The following IFIH1 variants were observed in gnomAD, a reference collection of about 807,000 sequenced individuals.
IFIH1 encodes interferon induced with helicase C domain 1.
In IFIH1, 125 loss-of-function variants were observed where a neutral mutation model predicts 107.4. The ratio of observed to expected loss-of-function variants is 1.16; its 90% CI spans 1.01 to 1.35. The LOEUF (loss-of-function observed/expected upper bound fraction) is 1.35. Among genes scored for constraint, IFIH1 ranks in the 40% most tolerant of loss-of-function variants. IFIH1 has a pLI of 0.00. For missense variants in IFIH1, 1,333 were observed against 1,213.7 expected (o/e 1.10, Z -1.46); for synonymous variants, 458 against 413.2 (o/e 1.11, Z -1.31).
In IFIH1 at chr2:162,272,251, A is replaced by G. The variant is rs757999599; in HGVS notation, c.2591T>C (p.Met864Thr). 3.1e-6 allele frequency: 5 copies of G among 1,612,418 alleles called. No homozygotes were observed. The highest frequency in any genetic ancestry group is 3.4e-6 in the Non-Finnish European group (4 of 1,179,120). ...MYKAIHCVQN[M>T]KPEEYAHKIL... ...CTTATGAGCATACTCCTCTGGTTTCATATTTTGAACACAATGTATAGCTTT... is the reference window on the plus strand; with the variant it reads ...CTTATGAGCATACTCCTCTGGTTTCGTATTTTGAACACAATGTATAGCTTT... Residue 864 changes from methionine to threonine, a missense_variant, in exon 13 of 16, where the codon ATG (methionine) becomes ACG (threonine). By Grantham distance (81) the Met-to-Thr change is moderately conservative. Transcript: ENST00000649979.
Position 162,288,195 on chromosome 2 carries a change from A to G in IFIH1, c.1035T>C (p.Asp345=), listed in dbSNP as rs1576229553. The change falls in exon 5 of 16, where the codon GAT becomes GAC. Residue 345 remains aspartate (D), a synonymous_variant. Transcript: ENST00000649979. ...ATGCTTTTTTCTTCTTGTCTAAGTGATCCTTGGCAATGTAAACAGCCACTC... is the reference window on the plus strand; with the variant it reads ...ATGCTTTTTTCTTCTTGTCTAAGTGGTCCTTGGCAATGTAAACAGCCACTC... ...KTRVAVYIAK[D]HLDKKKKASE... is the part of the protein sequence containing the mutation. 5 of 1,612,648 alleles carry G rather than the reference A, an allele frequency of 3.1e-6. No homozygotes were observed. The highest frequency in any genetic ancestry group is 4.2e-6 in the Non-Finnish European group (5 of 1,179,214).
chr2:162,276,356 A>G lies in IFIH1; in HGVS notation c.2304+331T>C, dbSNP rs1240166948. Among the ~76,000 whole-genome samples, 5 of 152,316 alleles carry G rather than the reference A, an allele frequency of 3.3e-5. No homozygotes were observed. In the East Asian group the frequency reaches 9.7e-4, roughly 29 times the overall value. On this transcript the variant is annotated intron_variant, in intron 11 of 15. Coordinates refer to ENST00000649979, the MANE Select transcript of IFIH1 (RefSeq NM_022168.4). ...AGTGGCTCGTGCCTATAATCTCAAT[A>G]CTTTGGAAGGCAGAGGCAGAAGGAT...
Position 162,277,662 on chromosome 2 carries a change from A to T in IFIH1, c.1797T>A (p.Val599=). ...TGTACTTCCTCAAATGTTCTGCACA[A>T]ACACGTTCTTTGCGATTTCCTTCTT... The part of the protein sequence containing the change: ...AAKEGNRKER[V]CAEHLRKYNE... Residue 599 remains valine (V), a synonymous_variant, in exon 10 of 16, where the codon GTT becomes GTA. Transcript: ENST00000649979. The T allele has an allele frequency of 6.2e-7, 1 of 1,605,188 alleles. No homozygotes were observed. The highest frequency in any genetic ancestry group is 8.5e-7 in the Non-Finnish European group (1 of 1,176,572).
rs752062817 is a variant in IFIH1 at position 162,280,069 on chromosome 2, T to C, written c.1568A>G (p.Glu523Gly). Residue 523 changes from glutamate (E) to glycine (G), a missense_variant, in exon 8 of 16, where the codon GAA becomes GGA. Transcript: ENST00000649979. ...LDAFTIKTVK[E>G]NLDQLKNQIQ... Reference sequence around the variant, plus strand: ...TTGGTTTTTCAGTTGATCAAGGTTTTCTTTAACAGTTTTAATAGTAAATGC... The same window carrying C: ...TTGGTTTTTCAGTTGATCAAGGTTTCCTTTAACAGTTTTAATAGTAAATGC... 2 of 1,610,274 alleles carry C rather than the reference T, an allele frequency of 1.2e-6. No homozygotes were observed. Among genetic ancestry groups the C allele is most frequent in the South Asian group, 2.2e-5 (2 of 90,914 alleles).
intron 8 of IFIH1, among the ~76,000 whole-genome samples, chr2:162,278,628 A>G (rs903495842): frequency 6.6e-6 from 1 of 152,188 alleles, no homozygotes; most frequent in Non-Finnish European, 1.5e-5. Flanking sequence ...GTAACTTAGA[A>G]AACACATATT....
At position 162,276,841 on chromosome 2, in the gene IFIH1, T is replaced by C; in HGVS notation, c.2150A>G (p.Glu717Gly). The change falls in exon 11 of 16, where the codon GAA becomes GGA. Residue 717 changes from glutamate (E) to glycine (G), a missense_variant. Coordinates refer to ENST00000649979, the MANE Select transcript of IFIH1 (RefSeq NM_022168.4). The stretch of plus-strand genomic sequence containing the variant: ...TGTAAAGATTATTCCTCGTGCTGAT[T>C]CCTCAGTCCTAGTATATTGCTCCAT... ...TIMEQYTRTEESARGIIFTKT... is the reference protein window; with the variant it reads ...TIMEQYTRTEGSARGIIFTKT... The C allele has an allele frequency of 6.2e-7, 1 of 1,613,894 alleles. No individual in the cohort carries two copies. The highest frequency in any genetic ancestry group is 8.5e-7 in the Non-Finnish European group (1 of 1,179,844).
chr2:162,283,482 A>C (rs2105204166), intron 5 of IFIH1, among the ~76,000 whole-genome samples: 1 of 152,146 alleles, frequency 6.6e-6, no homozygotes, highest in East Asian at 1.9e-4. Context: ...GGCCATCTTG[A>C]AGGTCATATC....
At chr2:162,269,569 T>G (rs535682487) in intron 13 of IFIH1, among the ~76,000 whole-genome samples, 7 of 152,210 alleles carry the variant, frequency 4.6e-5, no homozygotes, top group Non-Finnish European at 8.8e-5. Flanking sequence ...GACTGAACAG[T>G]GTTTATACCA....
rs1558867609 is a variant in IFIH1, at chr2:162,281,663, G to T, written c.1307-118C>A. On this transcript the variant is annotated intron_variant, in intron 6 of 15. Coordinates refer to ENST00000649979, the MANE Select transcript of IFIH1 (RefSeq NM_022168.4). Reference sequence around the variant, plus strand: ...GCCTTCTCTTGGGCACGACACAAGAGCAGTCCACTTTCAGTTTTTAGGAGG... The same window carrying T: ...GCCTTCTCTTGGGCACGACACAAGATCAGTCCACTTTCAGTTTTTAGGAGG... 4.5e-6 allele frequency: 3 copies of T among 663,108 alleles called. No homozygotes were observed. In the East Asian group the frequency reaches 8.2e-5, roughly 18 times the overall value. The allele number at this position is 663,108 out of a possible 1,614,324, so 41.1% of individuals were successfully genotyped here. A position where few individuals can be genotyped will look rare whatever the true frequency, so the allele number is the denominator to read the frequency against.
intron 11 of IFIH1, among the ~76,000 whole-genome samples, chr2:162,275,817 T>G (rs1477188681): frequency 6.6e-6 from 1 of 152,172 alleles, no homozygotes; most frequent in African/African-American, 2.4e-5. Context: ...CTTACCCAAG[T>G]GTTTTTTTAC....
chr2:162,317,718 C>T, intron 1 of IFIH1, 137 bp downstream of exon 1: 1 of 686,860 alleles, frequency 1.5e-6, no homozygotes, highest in Non-Finnish European at 2.5e-6. Context: ...CTTAAAGTGC[C>T]TAGATGTTGT....
chr2:162,303,512 A>G (rs1186660648), intron 3 of IFIH1, among the ~76,000 whole-genome samples: 1 of 152,114 alleles, frequency 6.6e-6, no homozygotes, highest in Non-Finnish European at 1.5e-5. Context: ...TATGTTCCTG[A>G]GTTCACAGTA....
chr2:162,292,943 A>G (rs1464555880), intron 4 of IFIH1, among the ~76,000 whole-genome samples: 1 of 151,850 alleles, frequency 6.6e-6, no homozygotes, highest in Non-Finnish European at 1.5e-5. Flanking sequence ...GAAAACTGAT[A>G]ACAGGAAGTA....
rs1252800383 is a variant in IFIH1, at chr2:162,293,577, C to G, written c.861G>C (p.Met287Ile). The G allele has an allele frequency of 6.2e-7, 1 of 1,608,684 alleles. No individual in the cohort carries two copies. The highest frequency in any genetic ancestry group is 8.5e-7 in the Non-Finnish European group (1 of 1,175,892). ...GTTAGGCAGTACCTGAATCACTTCC[C>G]ATGGTGCCTGAATCACTGCCCATGT... ...NSNMGSDSGT[M>I]GSDSDEENVA... Residue 287 changes from methionine to isoleucine, a missense_variant, in exon 4 of 16, where the codon ATG becomes ATC. Physicochemically the swap from Met to Ile is conservative, Grantham distance 10. Transcript: ENST00000649979.
At position 162,272,317 on chromosome 2, in the gene IFIH1, T is replaced by C. The variant is rs775472922; in HGVS notation, c.2525A>G (p.Glu842Gly). ...LVAHSGSGVIEHETVNDFREK... is the reference protein window; with the variant it reads ...LVAHSGSGVIGHETVNDFREK... ...TCGGAAATCATTAACTGTCTCATGT[T>C]CGATAACTCCTGAACCACTGTGAGC... Residue 842 changes from glutamate (E) to glycine (G), a missense_variant, in exon 13 of 16, where the codon GAA (glutamate) becomes GGA (glycine). Transcript: ENST00000649979. 1 of 1,613,358 alleles carries C rather than the reference T, an allele frequency of 6.2e-7. No individual in the cohort carries two copies. Among genetic ancestry groups the C allele is most frequent in the Admixed American group, 1.7e-5 (1 of 59,878 alleles).
At chr2:162,298,368 C>A (rs1558872542) in intron 3 of IFIH1, among the ~76,000 whole-genome samples, 1 of 152,100 alleles carries the variant, frequency 6.6e-6, no homozygotes, top group Non-Finnish European at 1.5e-5. Flanking sequence ...GCAGGAAACG[C>A]GAGGGGAAAG....
intron 12 of IFIH1, 50 bp from the exon 13 acceptor site, chr2:162,272,437 ATCC>A: frequency 6.6e-7 from 1 of 1,511,422 alleles, no homozygotes. Context: ...TGTGATACAA[ATCC>A]TCCTGGTTTT....
At position 162,287,742 on chromosome 2, in the gene IFIH1, G is replaced by T. The variant is rs532498959; in HGVS notation, c.1095+393C>A. 2.0e-5 allele frequency among the ~76,000 whole-genome samples: 3 copies of T among 151,984 alleles called. No homozygotes were observed. In the East Asian group the frequency reaches 5.8e-4, roughly 30 times the overall value. ...AAGTAAAAAACAATATTTGATCCTT[G>T]ATTCCAGTGATATTTTGGGGTCATT... On this transcript the variant is annotated intron_variant, in intron 5 of 15. Coordinates refer to ENST00000649979, the MANE Select transcript of IFIH1 (RefSeq NM_022168.4).
Position 162,268,100 on chromosome 2 carries a change from T to C in IFIH1, c.2794A>G (p.Thr932Ala). The C allele has an allele frequency of 6.3e-7, 1 of 1,598,148 alleles. No individual in the cohort carries two copies. Among genetic ancestry groups the C allele is most frequent in the Non-Finnish European group, 8.5e-7 (1 of 1,173,260 alleles). The change falls in exon 14 of 16, where the codon ACC becomes GCC. Residue 932 changes from threonine to alanine, a missense_variant. By Grantham distance (58) the Thr-to-Ala change is moderately conservative. Coordinates refer to ENST00000649979, the MANE Select transcript of IFIH1 (RefSeq NM_022168.4). ...TTCTGGACTCACTTGAATTCTGGGGTCATATTGACGTGATGCATTTTCTCA... is the reference window on the plus strand; with the variant it reads ...TTCTGGACTCACTTGAATTCTGGGGCCATATTGACGTGATGCATTTTCTCA... The part of the protein sequence containing the change: ...VIEKMHHVNM[T>A]PEFKELYIVR...
Sources: allele counts gnomAD v4.1 joint callset (sites outside exome capture counted in the v4.1 genomes callset), GRCh38; gene constraint gnomAD v4.1.1; transcripts MANE v1.5; gene names NCBI Gene and HGNC (gene_info 2026-07-23, HGNC 2026-07-21).